RBFOX1: variants seen among roughly 807,000 people sequenced by gnomAD.
RBFOX1 encodes RNA binding protein fox-1 homolog 1.
Under a neutral mutation model 57.7 loss-of-function variants are expected in RBFOX1, and 8 were observed. The observed-to-expected ratio is 0.14, with a 90% CI of 0.08 to 0.25. The LOEUF is 0.25. RBFOX1 is among the 10% of genes least tolerant of loss of function. The pLI is 1.00. For synonymous variants in RBFOX1, 326 were observed against 222.4 expected, an observed-to-expected ratio of 1.47 and a Z score of -4.15; for missense variants, 611 against 548.5, an observed-to-expected ratio of 1.11 and a Z score of -1.14.
rs770011389 is a variant in RBFOX1, at chr16:6,409,443, C to G, written c.-64+92386C>G. Among the ~76,000 whole-genome samples the G allele has an allele frequency of 2.4e-4, 37 of 152,072 alleles. 1 individual carries two copies. Among genetic ancestry groups the G allele is most frequent in the Non-Finnish European group, 1.9e-4 (13 of 68,022 alleles). ...ACAAAACAAAACAAATAAAACTTTA[C>G]CAAACACTTTGAAACTGGAAAACCT... is the stretch of plus-strand genomic sequence containing the variant. On this transcript the variant is annotated intron_variant, in intron 2 of 15. Transcript: ENST00000550418.
At chr16:5,328,975 A>C (rs1318403875) in intron 1 of RBFOX1, among the ~76,000 whole-genome samples, 2 of 152,204 alleles carry the variant, frequency 1.3e-5, no homozygotes, top group Non-Finnish European at 2.9e-5. Flanking sequence ...TTTCTCATAA[A>C]TCTGTCTCTT....
At chr16:7,310,013 C>T (rs2096273257) in intron 4 of RBFOX1, among the ~76,000 whole-genome samples, 1 of 152,212 alleles carries the variant, frequency 6.6e-6, no homozygotes, top group African/African-American at 2.4e-5. Flanking sequence ...CTCTGCCGGG[C>T]TGAGCGTTGG....
At chr16:6,701,394 A>C (rs1312354115) in intron 3 of RBFOX1, among the ~76,000 whole-genome samples, 2 of 152,220 alleles carry the variant, frequency 1.3e-5, no homozygotes, top group African/African-American at 4.8e-5. Flanking sequence ...CAAAGTGGGA[A>C]GACATCTGCA....
At chr16:7,373,891 C>T (rs1052300782) in intron 4 of RBFOX1, among the ~76,000 whole-genome samples, 1 of 152,136 alleles carries the variant, frequency 6.6e-6, no homozygotes, top group African/African-American at 2.4e-5. Context: ...CATTCTCATT[C>T]CACTCAAATC....
At chr16:7,524,653 A>G (rs915681560) in intron 5 of RBFOX1, among the ~76,000 whole-genome samples, 1 of 152,180 alleles carries the variant, frequency 6.6e-6, no homozygotes, top group African/African-American at 2.4e-5. Context: ...TGCCCCAGCT[A>G]GGTTCCTGAG....
chr16:6,167,389 C>G (rs1228322934), intron 1 of RBFOX1, among the ~76,000 whole-genome samples: 1 of 152,238 alleles, frequency 6.6e-6, no homozygotes, highest in Non-Finnish European at 1.5e-5. Flanking sequence ...AGAGCACTTA[C>G]CTGGTGTACC....
intron 2 of RBFOX1, among the ~76,000 whole-genome samples, chr16:6,408,468 T>G (rs1935403): frequency 0.44 from 66,707 of 151,966 alleles, 15,454 homozygotes; most frequent in Non-Finnish European, 0.5. Context: ...ATGCAGCTGG[T>G]GCTCAGCTCA....
At chr16:5,893,884 C>G (rs747917853) in intron 4 of RBFOX1, among the ~76,000 whole-genome samples, 5 of 151,568 alleles carry the variant, frequency 3.3e-5, no homozygotes, top group Admixed American at 6.6e-5. Flanking sequence ...TAAACATAAA[C>G]AAGTAAAGTG....
intron 4 of RBFOX1, among the ~76,000 whole-genome samples, chr16:5,901,217 T>G (rs2058298045): frequency 6.6e-6 from 1 of 152,162 alleles, no homozygotes; most frequent in South Asian, 2.1e-4. Flanking sequence ...GGCTACTTCT[T>G]ATATCCATCT....
At chr16:6,809,719 T>C (rs1238483041) in intron 3 of RBFOX1, among the ~76,000 whole-genome samples, 2 of 152,160 alleles carry the variant, frequency 1.3e-5, no homozygotes, top group African/African-American at 4.8e-5. Context: ...TGTCTCTGAA[T>C]TGGTCTTTCT....
At chr16:7,001,656 C>T (rs1468230212) in intron 3 of RBFOX1, among the ~76,000 whole-genome samples, 1 of 151,972 alleles carries the variant, frequency 6.6e-6, no homozygotes, top group Non-Finnish European at 1.5e-5. Context: ...AGGGTTTCAC[C>T]ATGTTGGCCA....
At chr16:7,574,503 C>T (rs1001578087) in intron 5 of RBFOX1, among the ~76,000 whole-genome samples, 1 of 152,076 alleles carries the variant, frequency 6.6e-6, no homozygotes, top group African/African-American at 2.4e-5. Flanking sequence ...GGTCGAAGGT[C>T]CAAGAGTCCA....
At chr16:6,810,061 G>T (rs1783116397) in intron 3 of RBFOX1, among the ~76,000 whole-genome samples, 1 of 146,956 alleles carries the variant, frequency 6.8e-6, no homozygotes, top group Admixed American at 6.9e-5. Flanking sequence ...AGTAGACAAT[G>T]CTCTGGTCTG....
chr16:5,654,761 C>G (rs943791110), intron 3 of RBFOX1, among the ~76,000 whole-genome samples: 3 of 151,776 alleles, frequency 2.0e-5, no homozygotes, highest in Admixed American at 1.3e-4. Flanking sequence ...TTCTCCTTTC[C>G]CTTCCTCCTT....
chr16:5,302,397 G>C (rs1262925666), intron 1 of RBFOX1, among the ~76,000 whole-genome samples: 1 of 152,182 alleles, frequency 6.6e-6, no homozygotes, highest in Admixed American at 6.5e-5. Flanking sequence ...CACTTGAAAA[G>C]AATGTGTATT....
At chr16:6,794,750 T>C (rs74563443) in intron 3 of RBFOX1, among the ~76,000 whole-genome samples, 2,536 of 152,266 alleles carry the variant, frequency 0.017, 92 homozygotes, top group African/African-American at 0.058. Flanking sequence ...TTCATACAAA[T>C]GTGTGGTTGA....
At chr16:6,501,455 A>T (rs1312041663) in intron 2 of RBFOX1, among the ~76,000 whole-genome samples, 1 of 151,736 alleles carries the variant, frequency 6.6e-6, no homozygotes, top group African/African-American at 2.4e-5. Flanking sequence ...CCATGTCCCT[A>T]CAAAGGACAT....
chr16:6,948,508 A>G (rs1163431338), intron 3 of RBFOX1, among the ~76,000 whole-genome samples: 2 of 146,362 alleles, frequency 1.4e-5, no homozygotes, highest in Admixed American at 7.1e-5. Context: ...TCAGCCTCCC[A>G]AGTAGCTTGG....
At chr16:7,518,859 C>G (rs1353088771) in intron 5 of RBFOX1, among the ~76,000 whole-genome samples, 1 of 152,012 alleles carries the variant, frequency 6.6e-6, no homozygotes, top group Non-Finnish European at 1.5e-5. Flanking sequence ...CTCATCTCTA[C>G]AAGAAATTTA....
Sources: allele counts gnomAD v4.1 joint callset (sites outside exome capture counted in the v4.1 genomes callset), GRCh38; gene constraint gnomAD v4.1.1; transcripts MANE v1.5; gene names NCBI Gene and HGNC (gene_info 2026-07-23, HGNC 2026-07-21).